SECISBP2L: variants seen among roughly 807,000 people sequenced by gnomAD.
SECISBP2L encodes the protein selenocysteine insertion sequence-binding protein 2-like.
A neutral mutation model predicts 114.7 loss-of-function variants in SECISBP2L; 43 were observed. The ratio of observed to expected loss-of-function variants is 0.38; its 90% CI spans 0.29 to 0.48. The LOEUF is 0.48. Among genes scored for constraint, SECISBP2L ranks in the 20% least tolerant of loss-of-function variants. SECISBP2L has a pLI of 0.98. For missense variants in SECISBP2L, 1,136 were observed against 1,301.1 expected (o/e 0.87, Z 1.95); for synonymous variants, 451 against 439.7 (o/e 1.03, Z -0.32).
intron 14 of SECISBP2L, among the ~76,000 whole-genome samples, chr15:49,006,729 G>T (rs1453514767): frequency 1.3e-5 from 2 of 151,874 alleles, no homozygotes; most frequent in African/African-American, 4.8e-5. Context: ...TGTTAACATT[G>T]AATTAGAACA....
In SECISBP2L at chr15:49,012,787, T is replaced by A; in HGVS notation, c.1592A>T (p.Asp531Val). Residue 531 changes from aspartate to valine, a missense_variant, in exon 12 of 18, where the codon GAC becomes GTC. By Grantham distance (152) the Asp-to-Val change is radical (BLOSUM62 -3). Transcript: ENST00000559471. ...GGTTAAAGGTTTTCTATTAGTAGAG[T>A]CTTTAGTGTGAAAAGAAGCTGCAGT... The part of the protein sequence containing the change: ...VVTAASFHTK[D>V]STNRKPLTKS... 6.2e-7 allele frequency: 1 copy of A among 1,613,072 alleles called. No individual in the cohort carries two copies. Among genetic ancestry groups the A allele is most frequent in the Non-Finnish European group, 8.5e-7 (1 of 1,179,752 alleles).
chr15:49,030,026 C>G (rs1258979777), intron 4 of SECISBP2L, among the ~76,000 whole-genome samples: 1 of 141,280 alleles, frequency 7.1e-6, no homozygotes, highest in Non-Finnish European at 1.5e-5. Context: ...CTTCACAAAT[C>G]ATAACTGTAC....
At chr15:49,042,966 G>A (rs1566864996) in intron 1 of SECISBP2L, among the ~76,000 whole-genome samples, 1 of 152,200 alleles carries the variant, frequency 6.6e-6, no homozygotes, top group Non-Finnish European at 1.5e-5. Flanking sequence ...AGGCGAGGTT[G>A]TAGTGAGCTG....
intron 14 of SECISBP2L, 36 bp downstream of exon 14, chr15:49,009,180 A>G: frequency 6.2e-7 from 1 of 1,600,556 alleles, no homozygotes; most frequent in Non-Finnish European, 8.5e-7. Context: ...CAAGATCCTT[A>G]AACTATTCAA....
rs770891641 is a variant in SECISBP2L, at chr15:49,010,955, G to T, written c.1864+776C>A. Reference sequence around the variant, plus strand: ...TGGGGTAAGCATTCAATAAACATTTGCTGAATGAATGGATGGATGATTACA... The same window carrying T: ...TGGGGTAAGCATTCAATAAACATTTTCTGAATGAATGGATGGATGATTACA... On this transcript the variant is annotated intron_variant, in intron 13 of 17. Transcript: ENST00000559471. Among the ~76,000 whole-genome samples, 44 of 152,176 alleles carry T rather than the reference G, an allele frequency of 2.9e-4. 1 individual carries two copies. Among genetic ancestry groups the T allele is most frequent in the Non-Finnish European group, 1.2e-4 (8 of 68,030 alleles).
At chr15:49,039,882 T>C (rs17393193) in intron 1 of SECISBP2L, among the ~76,000 whole-genome samples, 30,826 of 152,150 alleles carry the variant, frequency 0.2, 3,853 homozygotes, top group Middle Eastern at 0.3. Context: ...TGAGCAGTTT[T>C]ATAAATCTGA....
At chr15:49,041,880 A>G (rs1027542015) in intron 1 of SECISBP2L, among the ~76,000 whole-genome samples, 2 of 152,268 alleles carry the variant, frequency 1.3e-5, no homozygotes, top group African/African-American at 4.8e-5. Context: ...AATGCTTAAG[A>G]GATAACTACT....
chr15:49,039,541 T>C (rs1380647921), intron 1 of SECISBP2L, among the ~76,000 whole-genome samples: 3 of 151,416 alleles, frequency 2.0e-5, no homozygotes, highest in African/African-American at 4.9e-5. Flanking sequence ...TTTTTTTTTT[T>C]TTAGACAGGG....
In SECISBP2L at chr15:49,035,494, T is replaced by C. The variant is rs758147002; in HGVS notation, c.368A>G (p.Tyr123Cys). The C allele has an allele frequency of 1.1e-5, 18 of 1,614,160 alleles. No homozygotes were observed. The highest frequency in any genetic ancestry group is 1.5e-5 in the Non-Finnish European group (18 of 1,180,000). ...GGAGTAAGGTGTAGGAAAAGGATGA[T>C]AGAAACCCATAACCTGGGCACATGG... ...PAPCAQVMGF[Y>C]HPFPTPYSNT... The change falls in exon 3 of 18, where the codon TAT (tyrosine) becomes TGT (cysteine). Residue 123 changes from tyrosine (Y) to cysteine (C), a missense_variant. Tyr to Cys is a radical substitution (Grantham distance 194, BLOSUM62 -2). This residue lies in a region of SECISBP2L where 452 missense variants were observed against 452.3 expected (regional missense o/e 1.00). Coordinates refer to ENST00000559471, the MANE Select transcript of SECISBP2L (RefSeq NM_001193489.2).
In SECISBP2L at chr15:49,035,545, T is replaced by C. The variant is rs1288313262; in HGVS notation, c.317A>G (p.Tyr106Cys). ...ISAQPPVSTE[Y>C]TYYQLMPAPC... ...TGCTGGCATCAGCTGATAATATGTA[T>C]ACTCTGTAGAAACAGGCGGCTGAGC... Residue 106 changes from tyrosine (Y) to cysteine (C), a missense_variant, in exon 3 of 18, where the codon TAT becomes TGT. Tyr to Cys is a radical substitution (Grantham distance 194). Transcript: ENST00000559471. The C allele has an allele frequency of 3.7e-6, 6 of 1,614,202 alleles. No homozygotes were observed. Among genetic ancestry groups the C allele is most frequent in the Non-Finnish European group, 5.1e-6 (6 of 1,180,018 alleles).
At chr15:49,026,714 A>G (rs907764025) in intron 7 of SECISBP2L, among the ~76,000 whole-genome samples, 20 of 152,242 alleles carry the variant, frequency 1.3e-4, no homozygotes, top group African/African-American at 4.8e-4. Flanking sequence ...CCATATAGTC[A>G]TATGATAGTT....
intron 11 of SECISBP2L, among the ~76,000 whole-genome samples, chr15:49,014,900 T>C (rs1238765213): frequency 1.3e-5 from 2 of 150,366 alleles, no homozygotes; most frequent in Non-Finnish European, 3.0e-5. Flanking sequence ...TTATATATAC[T>C]GTATATATGT....
intron 1 of SECISBP2L, among the ~76,000 whole-genome samples, chr15:49,039,109 T>C (rs1484530333): frequency 2.0e-5 from 3 of 152,218 alleles, no homozygotes. Context: ...AAATCTGAAC[T>C]GTCCAGCAGT....
chr15:49,040,481 CTGT>C (rs1903100212), intron 1 of SECISBP2L, among the ~76,000 whole-genome samples: 1 of 143,100 alleles, frequency 7.0e-6, no homozygotes, highest in Non-Finnish European at 1.5e-5. Context: ...AATGCAGCAT[CTGT>C]TGTTCTCAGG....
chr15:49,008,164 T>C (rs967818003), intron 14 of SECISBP2L, among the ~76,000 whole-genome samples: 2 of 152,222 alleles, frequency 1.3e-5, no homozygotes, highest in South Asian at 2.1e-4. Flanking sequence ...TATCTATGAA[T>C]AACCAAGGCA....
chr15:49,016,737 A>G (rs772942108), intron 10 of SECISBP2L, 36 bp from the exon 11 acceptor site: 2 of 1,513,354 alleles, frequency 1.3e-6, no homozygotes, highest in Admixed American at 2.2e-5. Flanking sequence ...TTTTTTTGTT[A>G]TAGTACGAAA....
intron 11 of SECISBP2L, among the ~76,000 whole-genome samples, chr15:49,014,483 C>A (rs1442932438): frequency 6.6e-6 from 1 of 152,124 alleles, no homozygotes; most frequent in Non-Finnish European, 1.5e-5. Context: ...ACCAGAATCT[C>A]CCATGCTAGC....
At chr15:49,011,420 C>A in intron 13 of SECISBP2L, 1 of 229,676 alleles carries the variant, frequency 4.4e-6, no homozygotes, top group Non-Finnish European at 8.4e-6. Context: ...TAAAAGAAAA[C>A]AAAATGAAAA....
At chr15:49,012,914 A>C in intron 11 of SECISBP2L, 97 bp from the exon 12 acceptor site, 1 of 1,263,850 alleles carries the variant, frequency 7.9e-7, no homozygotes, top group Non-Finnish European at 1.1e-6. Context: ...TCCTCCTCCC[A>C]TGGAAAAAAC....
Sources: gnomAD v4.1 joint callset for allele counts (sites outside exome capture counted in the v4.1 genomes callset) on GRCh38, gnomAD v4.1.1 for gene constraint, gnomAD v4.1.1 regional missense constraint, MANE v1.5 for transcripts, NCBI Gene and HGNC (gene_info 2026-07-23, HGNC 2026-07-21) for gene names.